Variants in MAP3K6 observed in about 807,000 individuals in gnomAD.
The protein encoded by MAP3K6 is mitogen-activated protein kinase kinase kinase 6.
A neutral mutation model predicts 147.1 loss-of-function variants in MAP3K6; 105 were observed. The observed-to-expected ratio is 0.71, with a 90% CI of 0.61 to 0.84. The LOEUF is 0.84. MAP3K6 is among the 40% of genes least tolerant of loss of function. The probability of loss-of-function intolerance (pLI) is 0.00; values close to 1 mark genes in which losing one functional copy is unlikely to be tolerated. For missense variants in MAP3K6, 1,569 were observed against 1,715.0 expected (o/e 0.91, Z 1.50); for synonymous variants, 695 against 732.4 (o/e 0.95, Z 0.82).
Position 27,364,327 on chromosome 1 carries a change from T to G in MAP3K6, c.572A>C (p.Asp191Ala), listed in dbSNP as rs1473636672. Residue 191 changes from aspartate (D) to alanine (A), a missense_variant, in exon 4 of 29, where the codon GAT (aspartate) becomes GCT (alanine). Coordinates refer to ENST00000357582, the MANE Select transcript of MAP3K6 (RefSeq NM_004672.5). The surrounding 1 kb of genome is among the most constrained non-coding windows in gnomAD (Gnocchi z 4.4). ...VTATGRVLCG[D>A]AGLLRGLADG... ...AGCCAGGCCCCGCAGAAGGCCTGCATCACCACACAGCACCCGACCAGTGGC... is the reference window on the plus strand; with the variant it reads ...AGCCAGGCCCCGCAGAAGGCCTGCAGCACCACACAGCACCCGACCAGTGGC... 2 of 1,613,876 alleles carry G rather than the reference T, an allele frequency of 1.2e-6. No individual in the cohort carries two copies. Among genetic ancestry groups the G allele is most frequent in the Non-Finnish European group, 1.7e-6 (2 of 1,180,000 alleles).
In MAP3K6 at chr1:27,358,391, C is replaced by T. The variant is rs748190970; in HGVS notation, c.2776+28G>A. Reference sequence around the variant, plus strand: ...AGCTCCACAACTCCTCTGCCCTCCACTGTGCCCATCCCGCCACCCGCAAGC... The same window carrying T: ...AGCTCCACAACTCCTCTGCCCTCCATTGTGCCCATCCCGCCACCCGCAAGC... On this transcript the variant is annotated intron_variant, in intron 20 of 28. Coordinates refer to ENST00000357582, the MANE Select transcript of MAP3K6 (RefSeq NM_004672.5). The surrounding 1 kb of genome is among the most constrained non-coding windows in gnomAD (Gnocchi z 6.2). 1.3e-6 allele frequency: 2 copies of T among 1,585,192 alleles called. No homozygotes were observed. Among genetic ancestry groups the T allele is most frequent in the South Asian group, 1.1e-5 (1 of 87,032 alleles).
At position 27,360,013 on chromosome 1, in the gene MAP3K6, A is replaced by G. The variant is rs1263030943; in HGVS notation, c.2183-19T>C. ...AGGCTGCCTGGGTGGGGACAGTCCA[A>G]GTTCATTCTTCCCACCCACTGGCTC... On this transcript the variant is annotated intron_variant, in intron 16 of 28. Coordinates refer to ENST00000357582, the MANE Select transcript of MAP3K6 (RefSeq NM_004672.5). This position sits in a 1 kb window ranked among gnomAD's most constrained non-coding sequence, Gnocchi z 4.5. 2 of 1,613,426 alleles carry G rather than the reference A, an allele frequency of 1.2e-6. No individual in the cohort carries two copies. The highest frequency in any genetic ancestry group is 4.5e-5 in the East Asian group (2 of 44,868).
intron 1 of MAP3K6, 149 bp from the exon 2 acceptor site, chr1:27,365,061 C>A: frequency 1.2e-6 from 1 of 810,976 alleles, no homozygotes; most frequent in East Asian, 2.7e-5. Flanking sequence ...TTTAGGGTTC[C>A]CCTGGCACTT....
Position 27,360,228 on chromosome 1 carries a change from A to T in MAP3K6, c.2182+13T>A. 2 of 1,613,426 alleles carry T rather than the reference A, an allele frequency of 1.2e-6. No individual in the cohort carries two copies. The highest frequency in any genetic ancestry group is 1.7e-6 in the Non-Finnish European group (2 of 1,179,664). On this transcript the variant is annotated intron_variant, in intron 16 of 28. Transcript: ENST00000357582. The surrounding 1 kb of genome is among the most constrained non-coding windows in gnomAD (Gnocchi z 4.5). ...CACCTCGGTTTCATTCCCATCCCAC[A>T]CAGGGCAGGTACCTCCAGGCACTTC...
intron 8 of MAP3K6, 103 bp from the exon 9 acceptor site, chr1:27,362,353 TGG>T: frequency 8.3e-7 from 1 of 1,209,252 alleles, no homozygotes; most frequent in Non-Finnish European, 1.2e-6. Context: ...GATATGAGTA[TGG>T]CATTGAGTAT....
chr1:27,356,470 C>G lies in MAP3K6; in HGVS notation c.3555G>C (p.Arg1185=), dbSNP rs1485871911. 1 of 1,613,978 alleles carries G rather than the reference C, an allele frequency of 6.2e-7. No homozygotes were observed. ...RLREILAGKE[R]EYQALVQRAL... ...CCCGCTGCACCAGGGCCTGGTACTC[C>G]CGTTCCTTCCCCGCCAGGATTTCGC... Residue 1185 remains arginine, a synonymous_variant, in exon 26 of 29, where the codon CGG becomes CGC. Transcript: ENST00000357582.
rs777135177 is a variant in MAP3K6 at position 27,361,501 on chromosome 1, G to T, written c.1686+19C>A. On this transcript the variant is annotated intron_variant, in intron 11 of 28. Transcript: ENST00000357582. ...AGGTCCTAGCAAAGGTGAGTGAGGG[G>T]CCTCAGCAGCGACTTCACCTGGGTC... 1.2e-5 allele frequency: 20 copies of T among 1,613,212 alleles called. No homozygotes were observed. The highest frequency in any genetic ancestry group is 1.6e-4 in the Middle Eastern group (1 of 6,062).
rs2015749930 is a variant in MAP3K6, at chr1:27,361,173, C to CTGGCAGT, written c.1815_1816insACTGCCA (p.Val606ThrfsTer39). On this transcript the variant is annotated frameshift_variant, in exon 13 of 29. Transcript: ENST00000357582. LOFTEE classifies it high-confidence loss of function. Reference sequence around the variant, plus strand: ...GCTGCGCACCACTGGCAGTGCCCTACGCTGGGGAAGCACAGCTGGACGTCC... The same window carrying CTGGCAGT: ...GCTGCGCACCACTGGCAGTGCCCTACTGGCAGTGCTGGGGAAGCACAGCTGGACGTCC... 14 of 1,611,346 alleles carry CTGGCAGT rather than the reference C, an allele frequency of 8.7e-6. No individual in the cohort carries two copies. Among genetic ancestry groups the CTGGCAGT allele is most frequent in the Admixed American group, 1.7e-5 (1 of 59,634 alleles).
rs762222014 is a variant in MAP3K6 at position 27,362,839 on chromosome 1, T to C, written c.1142+12A>G. The C allele has an allele frequency of 6.2e-7, 1 of 1,613,638 alleles. No homozygotes were observed. The highest frequency in any genetic ancestry group is 1.3e-5 in the African/African-American group (1 of 75,040). Reference sequence around the variant, plus strand: ...ACAGCTTAGCCCACCGGCCACTCACTGTGCTCTTTACCAGTGATAGGCCTG... The same window carrying C: ...ACAGCTTAGCCCACCGGCCACTCACCGTGCTCTTTACCAGTGATAGGCCTG... On this transcript the variant is annotated intron_variant, in intron 7 of 28. Transcript: ENST00000357582.
In MAP3K6 at chr1:27,360,153, C is replaced by T; in HGVS notation, c.2182+88G>A. ...TACACCACCCACACGCACTAGGGTGCATTTCCCCCTAGGGCTCTCTACCCC... is the reference window on the plus strand; with the variant it reads ...TACACCACCCACACGCACTAGGGTGTATTTCCCCCTAGGGCTCTCTACCCC... On this transcript the variant is annotated intron_variant, in intron 16 of 28. Transcript: ENST00000357582. This position sits in a 1 kb window ranked among gnomAD's most constrained non-coding sequence, Gnocchi z 4.5. The T allele has an allele frequency of 1.3e-6, 2 of 1,577,288 alleles. No individual in the cohort carries two copies. Among genetic ancestry groups the T allele is most frequent in the Non-Finnish European group, 1.7e-6 (2 of 1,155,314 alleles).
At position 27,359,902 on chromosome 1, in the gene MAP3K6, G is replaced by T. The variant is rs769691607; in HGVS notation, c.2275C>A (p.Leu759Ile). 1.2e-6 allele frequency: 2 copies of T among 1,614,166 alleles called. No homozygotes were observed. Among genetic ancestry groups the T allele is most frequent in the Admixed American group, 3.3e-5 (2 of 60,028 alleles). Residue 759 changes from leucine to isoleucine, a missense_variant, in exon 17 of 29, where the codon CTT becomes ATT. Leu to Ile is a conservative substitution (Grantham distance 5, BLOSUM62 2). Coordinates refer to ENST00000357582, the MANE Select transcript of MAP3K6 (RefSeq NM_004672.5). This position sits in a 1 kb window ranked among gnomAD's most constrained non-coding sequence, Gnocchi z 4.4. ...SFYTRQILQGLGYLHDNHIVH... is the reference protein window; with the variant it reads ...SFYTRQILQGIGYLHDNHIVH... ...ATGTGGTTGTCGTGCAAGTAGCCAA[G>T]TCCCTGCAGGATCTGGCGGGTGTAG...
At position 27,366,370 on chromosome 1, in the gene MAP3K6, G is replaced by C; in HGVS notation, c.228C>G (p.Arg76=). 7.9e-7 allele frequency: 1 copy of C among 1,270,578 alleles called. No homozygotes were observed. Among genetic ancestry groups the C allele is most frequent in the Non-Finnish European group, 9.9e-7 (1 of 1,009,266 alleles). The allele number at this position is 1,270,578 out of a possible 1,614,324, so 78.7% of individuals were successfully genotyped here. A position where few individuals can be genotyped will look rare whatever the true frequency, so the allele number is the denominator to read the frequency against. ...GCCGGGGGACCTGCGCGCAAGCCTC[G>C]CGCAGGCAGCGCAGGGGCAGCGGCT... is the stretch of plus-strand genomic sequence containing the variant. ...EAEPLPLRCL[R]EACAQVPRPR... Residue 76 remains arginine (R), a synonymous_variant, in exon 1 of 29, where the codon CGC becomes CGG. Transcript: ENST00000357582. This position sits in a 1 kb window ranked among gnomAD's most constrained non-coding sequence, Gnocchi z 5.5.
chr1:27,364,838 A>G lies in MAP3K6; in HGVS notation c.415T>C (p.Phe139Leu), dbSNP rs1184901629. Reference protein sequence around the residue: ...LFYHLGVRESFSMTNNVLLCS... With the variant: ...LFYHLGVRESLSMTNNVLLCS... ...AGGAGCACATTGTTGGTCATGCTGA[A>G]GCTCTCACGCACACCAAGGTGGTAG... is the stretch of plus-strand genomic sequence containing the variant. Residue 139 changes from phenylalanine (F) to leucine (L), a missense_variant, in exon 2 of 29, where the codon TTC becomes CTC. Transcript: ENST00000357582. The surrounding 1 kb of genome is among the most constrained non-coding windows in gnomAD (Gnocchi z 4.4). 1 of 1,613,230 alleles carries G rather than the reference A, an allele frequency of 6.2e-7. No individual in the cohort carries two copies. Among genetic ancestry groups the G allele is most frequent in the South Asian group, 1.1e-5 (1 of 91,046 alleles).
chr1:27,355,301 G>T lies in MAP3K6; in HGVS notation c.*90C>A. The T allele has an allele frequency of 7.9e-7, 1 of 1,270,416 alleles. No individual in the cohort carries two copies. The highest frequency in any genetic ancestry group is 1.2e-6 in the Non-Finnish European group (1 of 866,762). 78.7% of individuals were successfully genotyped at this position (1,270,416 alleles called of 1,614,324 possible). Reference sequence around the variant, plus strand: ...GCCTGGCTTCCTCCAGTCGCCCCAGGTCCTGGGGCTGGTGTGTCAGAAGCT... The same window carrying T: ...GCCTGGCTTCCTCCAGTCGCCCCAGTTCCTGGGGCTGGTGTGTCAGAAGCT... On this transcript the variant is annotated 3_prime_UTR_variant, in exon 29 of 29. Transcript: ENST00000357582.
At chr1:27,356,927 C>A (rs1571060960) in intron 24 of MAP3K6, 82 bp downstream of exon 24, 20 of 1,486,956 alleles carry the variant, frequency 1.3e-5, no homozygotes, top group Non-Finnish European at 1.8e-5. Context: ...CGCCTGGCCC[C>A]CACCGGCCCC....
rs749470518 is a variant in MAP3K6, at chr1:27,359,814, C to T, written c.2319+44G>A. 3.4e-5 allele frequency: 55 copies of T among 1,609,270 alleles called. No individual in the cohort carries two copies. The highest frequency in any genetic ancestry group is 3.5e-5 in the Non-Finnish European group (41 of 1,176,222). On this transcript the variant is annotated intron_variant, in intron 17 of 28. Coordinates refer to ENST00000357582, the MANE Select transcript of MAP3K6 (RefSeq NM_004672.5). This position sits in a 1 kb window ranked among gnomAD's most constrained non-coding sequence, Gnocchi z 4.4. Reference sequence around the variant, plus strand: ...TGCGTCTGGGACCATGTTTCCTTCCCCGCCACCCTCAGCAGATGAGGGCGG... The same window carrying T: ...TGCGTCTGGGACCATGTTTCCTTCCTCGCCACCCTCAGCAGATGAGGGCGG...
Position 27,364,000 on chromosome 1 carries a change from G to C in MAP3K6, c.781C>G (p.Arg261Gly), listed in dbSNP as rs369006215. 2 of 1,611,362 alleles carry C rather than the reference G, an allele frequency of 1.2e-6. No homozygotes were observed. The highest frequency in any genetic ancestry group is 2.2e-5 in the East Asian group (1 of 44,888). Reference sequence around the variant, plus strand: ...ACGCTGTCCAGTCTCCGCTGCAGGCGAGCCAGCTCCTGCCGCAGCTGTGGC... The same window carrying C: ...ACGCTGTCCAGTCTCCGCTGCAGGCCAGCCAGCTCCTGCCGCAGCTGTGGC... The part of the protein sequence containing the change: ...SGPQLRQELA[R>G]LQRRLDSVEL... Residue 261 changes from arginine (R) to glycine (G), a missense_variant, in exon 5 of 29, where the codon CGC becomes GGC. Arg to Gly is a moderately radical substitution (Grantham distance 125). Transcript: ENST00000357582.
At position 27,359,831 on chromosome 1, in the gene MAP3K6, T is replaced by G; in HGVS notation, c.2319+27A>C. On this transcript the variant is annotated intron_variant, in intron 17 of 28. Coordinates refer to ENST00000357582, the MANE Select transcript of MAP3K6 (RefSeq NM_004672.5). This position sits in a 1 kb window ranked among gnomAD's most constrained non-coding sequence, Gnocchi z 4.4. ...TTCCTTCCCCGCCACCCTCAGCAGA[T>G]GAGGGCGGGCCAGCCCCAGGGCTTA... The G allele has an allele frequency of 6.2e-7, 1 of 1,613,020 alleles. No individual in the cohort carries two copies. The highest frequency in any genetic ancestry group is 8.5e-7 in the Non-Finnish European group (1 of 1,179,158).
intron 26 of MAP3K6, 116 bp downstream of exon 26, chr1:27,356,272 T>G: frequency 8.6e-7 from 1 of 1,157,606 alleles, no homozygotes; most frequent in Non-Finnish European, 1.2e-6. Context: ...AATAATGTTC[T>G]CCCGCCAAGG....
Sources: allele counts gnomAD v4.1 joint callset, GRCh38; gene constraint gnomAD v4.1.1; non-coding constraint Gnocchi (gnomAD v3.1); transcripts MANE v1.5; gene names NCBI Gene and HGNC (gene_info 2026-07-23, HGNC 2026-07-21).